CAVIN3: variants seen among roughly 807,000 people sequenced by gnomAD.
CAVIN3 encodes the protein caveolae-associated protein 3.
In CAVIN3, 11 loss-of-function variants were observed where a neutral mutation model predicts 8.2. The ratio of observed to expected loss-of-function variants is 1.35; its 90% CI spans 0.85 to 2.23. The LOEUF is 2.23. Ranked by LOEUF, CAVIN3 falls within the 30% of genes most tolerant of loss-of-function variation. The pLI is 0.00. For missense variants in CAVIN3, 401 were observed against 359.5 expected (o/e 1.12, Z -0.93); for synonymous variants, 191 against 166.3 (o/e 1.15, Z -1.14).
rs1846773941 is a variant in CAVIN3 at position 6,319,354 on chromosome 11, G to A, written c.595C>T (p.Pro199Ser). 12 of 1,595,062 alleles carry A rather than the reference G, an allele frequency of 7.5e-6. No homozygotes were observed. Among genetic ancestry groups the A allele is most frequent in the Non-Finnish European group, 1.0e-5 (12 of 1,172,654 alleles). Residue 199 changes from proline (P) to serine (S), a missense_variant, in exon 2 of 2, where the codon CCT (proline) becomes TCT (serine). Physicochemically the swap from Pro to Ser is moderately conservative, Grantham distance 74. Transcript: ENST00000303927. ...ACCGGGGTGGGCGGTGGCGCTGCAG[G>A]GCCTTTCCGGCCCGAAAGGGCCCTT... is the stretch of plus-strand genomic sequence containing the variant. The part of the protein sequence containing the change: ...LRRALSGRKG[P>S]AAPPPTPVKP...
rs371196967 is a variant in CAVIN3, at chr11:6,320,312, C to A, written c.165G>T (p.Gly55=). The part of the protein sequence containing the change: ...GLARRQGGLA[G]SVRRIQSGLG... ...GGCCGCTCTGGATGCGGCGCACGGACCCTGCCAGGCCTCCCTGCCTTCGAG... is the reference window on the plus strand; with the variant it reads ...GGCCGCTCTGGATGCGGCGCACGGAACCTGCCAGGCCTCCCTGCCTTCGAG... Residue 55 remains glycine (G), a synonymous_variant, in exon 1 of 2, where the codon GGG becomes GGT. Transcript: ENST00000303927. The A allele has an allele frequency of 9.1e-4, 1,418 of 1,566,238 alleles. 3 individuals carry two copies. Among genetic ancestry groups the A allele is most frequent in the Non-Finnish European group, 1.2e-3 (1,358 of 1,163,914 alleles).
In CAVIN3 at chr11:6,319,247, T is replaced by TGGCTCCAGCGTG. The variant is rs763059366; in HGVS notation, c.690_701dup (p.Thr231_Pro234dup). 8.7e-6 allele frequency: 14 copies of TGGCTCCAGCGTG among 1,600,972 alleles called. No homozygotes were observed. The highest frequency in any genetic ancestry group is 3.5e-5 in the Admixed American group (2 of 57,146). The stretch of plus-strand genomic sequence containing the variant: ...CTTCCTCGGTGTCCTGCGGAGGCTC[T>TGGCTCCAGCGTG]GGCTCCAGCGTGGGCTCCAGCGCAG... On this transcript the variant is annotated inframe_insertion, in exon 2 of 2. Transcript: ENST00000303927.
intron 1 of CAVIN3, 24 bp from the exon 2 acceptor site, chr11:6,319,588 G>A (rs753780928): frequency 6.4e-6 from 10 of 1,551,874 alleles, no homozygotes; most frequent in Non-Finnish European, 8.7e-6. Flanking sequence ...ACACAGCACT[G>A]ATCCTGGCAG....
chr11:6,319,822 G>T (rs901949342), intron 1 of CAVIN3: 4 of 666,518 alleles, frequency 6.0e-6, no homozygotes, highest in Non-Finnish European at 1.1e-5. Context: ...TTATTTTAGG[G>T]ATTGGCTGGG....
rs778937529 is a variant in CAVIN3 at position 6,319,418 on chromosome 11, C to G, written c.531G>C (p.Arg177=). ...CCTTCTGCAATCCGGTGCGCCGCAG[C>G]CGCTGGGCCCTGGACTCCACCGGCT... The part of the protein sequence containing the change: ...DEEPVESRAQ[R]LRRTGLQKVQ... The change falls in exon 2 of 2, where the codon CGG becomes CGC. Residue 177 remains arginine (R), a synonymous_variant. Transcript: ENST00000303927. The G allele has an allele frequency of 3.7e-6, 6 of 1,611,504 alleles. No homozygotes were observed. The highest frequency in any genetic ancestry group is 5.1e-6 in the Non-Finnish European group (6 of 1,179,550).
At chr11:6,319,987 G>C (rs1265170200) in intron 1 of CAVIN3, 106 bp downstream of exon 1, 4 of 1,208,360 alleles carry the variant, frequency 3.3e-6, no homozygotes, top group Non-Finnish European at 4.5e-6. Context: ...ACGGCGGGAG[G>C]GGTCAGGAAT....
rs760142956 is a variant in CAVIN3, at chr11:6,319,268, C to G, written c.681G>C (p.Ala227=). The part of the protein sequence containing the change: ...SAEAQPEAQP[A]LEPTLEPEPP... ...GCTCTGGCTCCAGCGTGGGCTCCAGCGCAGGCTGGGCTTCCGGCTGGGCTT... is the reference window on the plus strand; with the variant it reads ...GCTCTGGCTCCAGCGTGGGCTCCAGGGCAGGCTGGGCTTCCGGCTGGGCTT... The change falls in exon 2 of 2, where the codon GCG becomes GCC. Residue 227 remains alanine (A), a synonymous_variant. Coordinates refer to ENST00000303927, the MANE Select transcript of CAVIN3 (RefSeq NM_145040.3). 6.2e-7 allele frequency: 1 copy of G among 1,608,160 alleles called. No individual in the cohort carries two copies. The highest frequency in any genetic ancestry group is 1.1e-5 in the South Asian group (1 of 90,242).
rs1321572291 is a variant in CAVIN3, at chr11:6,319,257, G to A, written c.692C>T (p.Thr231Met). The A allele has an allele frequency of 1.2e-5, 19 of 1,604,324 alleles. No homozygotes were observed. Among genetic ancestry groups the A allele is most frequent in the Middle Eastern group, 1.7e-4 (1 of 6,000 alleles). Residue 231 changes from threonine (T) to methionine (M), a missense_variant, in exon 2 of 2, where the codon ACG becomes ATG. Transcript: ENST00000303927. ...QPEAQPALEP[T>M]LEPEPPQDTE... ...GTCCTGCGGAGGCTCTGGCTCCAGC[G>A]TGGGCTCCAGCGCAGGCTGGGCTTC...
At chr11:6,319,987 G>GGGTCAGGAATGTGGGTGT in intron 1 of CAVIN3, 106 bp downstream of exon 1, 1 of 1,208,360 alleles carries the variant, frequency 8.3e-7, no homozygotes, top group South Asian at 1.6e-5. Flanking sequence ...ACGGCGGGAG[G>GGGTCAGGAATGTGGGTGT]GGTCAGGAAT....
chr11:6,320,393 C>A lies in CAVIN3; in HGVS notation c.84G>T (p.Leu28=). 1 of 1,584,230 alleles carries A rather than the reference C, an allele frequency of 6.3e-7. No individual in the cohort carries two copies. Among genetic ancestry groups the A allele is most frequent in the South Asian group, 1.1e-5 (1 of 88,974 alleles). ...GPVHAVTVVT[L]LEKLASMLET... ...CCAGCATGGAGGCCAGCTTCTCCAG[C>A]AGGGTCACCACCGTCACGGCGTGCA... is the stretch of plus-strand genomic sequence containing the variant. The change falls in exon 1 of 2, where the codon CTG becomes CTT. Residue 28 remains leucine (L), a synonymous_variant. Coordinates refer to ENST00000303927, the MANE Select transcript of CAVIN3 (RefSeq NM_145040.3).
intron 1 of CAVIN3, 97 bp downstream of exon 1, chr11:6,319,996 A>C (rs1432468744): frequency 3.9e-6 from 5 of 1,296,762 alleles, no homozygotes; most frequent in Non-Finnish European, 5.2e-6. Context: ...GGGGTCAGGA[A>C]TGTGGGTGTG....
At chr11:6,319,854 C>T (rs142101480) in intron 1 of CAVIN3, 3 of 665,750 alleles carry the variant, frequency 4.5e-6, no homozygotes, top group Admixed American at 2.5e-5. Context: ...ATTCTGCGGA[C>T]GTGGCCTGAG....
Position 6,319,502 on chromosome 11 carries a change from G to T in CAVIN3, c.447C>A (p.Asp149Glu), listed in dbSNP as rs961152982. The change falls in exon 2 of 2, where the codon GAC becomes GAA. Residue 149 changes from aspartate (D) to glutamate (E), a missense_variant. By Grantham distance (45) the Asp-to-Glu change is conservative. Transcript: ENST00000303927. ...QKAPEPLGPA[D>E]QSELGPEQLE... ...GCTGCTCTGGGCCCAGCTCGGACTGGTCCGCCGGGCCCAAGGGCTCTGGTG... is the reference window on the plus strand; with the variant it reads ...GCTGCTCTGGGCCCAGCTCGGACTGTTCCGCCGGGCCCAAGGGCTCTGGTG... The T allele has an allele frequency of 1.3e-5, 21 of 1,600,750 alleles. No homozygotes were observed. Among genetic ancestry groups the T allele is most frequent in the Non-Finnish European group, 1.7e-5 (20 of 1,176,996 alleles).
At chr11:6,319,660 C>T in intron 1 of CAVIN3, 96 bp from the exon 2 acceptor site, 1 of 1,435,854 alleles carries the variant, frequency 7.0e-7, no homozygotes, top group Admixed American at 2.0e-5. Flanking sequence ...CTTTTACCTC[C>T]GCAGCCAGAG....
rs1020655749 is a variant in CAVIN3 at position 6,319,119 on chromosome 11, T to C, written c.*44A>G. On this transcript the variant is annotated 3_prime_UTR_variant, in exon 2 of 2. Transcript: ENST00000303927. ...GTGCTACATTCTGAAAGGATTTATT[T>C]TGGGACAAGGCACAAGCACAGGGGA... 4.7e-6 allele frequency: 7 copies of C among 1,501,434 alleles called. No individual in the cohort carries two copies. The highest frequency in any genetic ancestry group is 5.3e-6 in the Non-Finnish European group (6 of 1,125,120). The allele number at this position is 1,501,434 out of a possible 1,614,324, so 93.0% of individuals were successfully genotyped here. A position where few individuals can be genotyped will look rare whatever the true frequency, so the allele number is the denominator to read the frequency against.
At position 6,320,225 on chromosome 11, in the gene CAVIN3, C is replaced by G. The variant is rs1846813189; in HGVS notation, c.252G>C (p.Lys84Asn). ...TGGCGTGCGAGCTCACGCGCTCCGC[C>G]TTGGCCAGCAGCTGCGCCAAGGTGT... is the stretch of plus-strand genomic sequence containing the variant. ...TSNTLAQLLA[K>N]AERVSSHANA... is the part of the protein sequence containing the mutation. The change falls in exon 1 of 2, where the codon AAG becomes AAC. Residue 84 changes from lysine (K) to asparagine (N), a missense_variant. Lys to Asn is a moderately conservative substitution (Grantham distance 94, BLOSUM62 0). Coordinates refer to ENST00000303927, the MANE Select transcript of CAVIN3 (RefSeq NM_145040.3). 1 of 1,564,654 alleles carries G rather than the reference C, an allele frequency of 6.4e-7. No homozygotes were observed. The highest frequency in any genetic ancestry group is 1.1e-5 in the South Asian group (1 of 87,186).
rs1274177403 is a variant in CAVIN3 at position 6,319,065 on chromosome 11, T to C, written c.*98A>G. ...GGGCCAGAGCGCCCGCCTTGGTGGA[T>C]GTAGGATTCGCTCCTTATTAGGGCG... On this transcript the variant is annotated 3_prime_UTR_variant, in exon 2 of 2. Coordinates refer to ENST00000303927, the MANE Select transcript of CAVIN3 (RefSeq NM_145040.3). 27 of 1,303,160 alleles carry C rather than the reference T, an allele frequency of 2.1e-5. No individual in the cohort carries two copies. The highest frequency in any genetic ancestry group is 2.8e-5 in the Non-Finnish European group (27 of 963,750). The allele number at this position is 1,303,160 out of a possible 1,614,324, so 80.7% of individuals were successfully genotyped here.
At chr11:6,320,022 C>G (rs1157925597) in intron 1 of CAVIN3, 71 bp downstream of exon 1, 4 of 1,462,952 alleles carry the variant, frequency 2.7e-6, no homozygotes, top group Non-Finnish European at 3.6e-6. Context: ...TGGATGGAAG[C>G]GGGGAGCCCC....
At position 6,319,270 on chromosome 11, in the gene CAVIN3, C is replaced by T. The variant is rs1273153511; in HGVS notation, c.679G>A (p.Ala227Thr). The T allele has an allele frequency of 1.4e-5, 22 of 1,608,460 alleles. No individual in the cohort carries two copies. The highest frequency in any genetic ancestry group is 1.9e-5 in the Non-Finnish European group (22 of 1,177,574). Residue 227 changes from alanine to threonine, a missense_variant, in exon 2 of 2, where the codon GCG becomes ACG. Transcript: ENST00000303927. ...SAEAQPEAQPALEPTLEPEPP... is the reference protein window; with the variant it reads ...SAEAQPEAQPTLEPTLEPEPP... Reference sequence around the variant, plus strand: ...TCTGGCTCCAGCGTGGGCTCCAGCGCAGGCTGGGCTTCCGGCTGGGCTTCA... The same window carrying T: ...TCTGGCTCCAGCGTGGGCTCCAGCGTAGGCTGGGCTTCCGGCTGGGCTTCA...
Sources: gnomAD v4.1 joint callset for allele counts on GRCh38, gnomAD v4.1.1 for gene constraint, MANE v1.5 for transcripts, NCBI Gene and HGNC (gene_info 2026-07-23, HGNC 2026-07-21) for gene names.